MPPED2: variants seen among roughly 807,000 people sequenced by gnomAD.
MPPED2 encodes the protein metallophosphoesterase domain containing 2.
Under a neutral mutation model 33.0 loss-of-function variants are expected in MPPED2, and 5 were observed. The observed-to-expected ratio is 0.15, with a 90% CI of 0.08 to 0.32. The LOEUF (loss-of-function observed/expected upper bound fraction) is 0.32. MPPED2 is among the 10% of genes least tolerant of loss of function. The pLI is 1.00. For missense variants in MPPED2, 275 were observed against 372.1 expected (o/e 0.74, Z 2.15); for synonymous variants, 136 against 141.9 (o/e 0.96, Z 0.29).
At chr11:30,531,229 C>A (rs1328854215) in intron 3 of MPPED2, among the ~76,000 whole-genome samples, 1 of 152,208 alleles carries the variant, frequency 6.6e-6, no homozygotes, top group Admixed American at 6.5e-5. Context: ...TATACTCTGG[C>A]AATAAATCTT....
At chr11:30,471,460 C>A (rs1950941050) in intron 4 of MPPED2, among the ~76,000 whole-genome samples, 4 of 152,236 alleles carry the variant, frequency 2.6e-5, no homozygotes, top group African/African-American at 4.8e-5. Flanking sequence ...TAACTTGCTT[C>A]TACTCATTGG....
intron 4 of MPPED2, among the ~76,000 whole-genome samples, chr11:30,465,985 T>C (rs972403107): frequency 1.3e-5 from 2 of 152,194 alleles, no homozygotes; most frequent in African/African-American, 4.8e-5. Context: ...CTTCCCCAAA[T>C]ATTAAAATAC....
At chr11:30,419,510 T>A (rs1327673260) in intron 4 of MPPED2, among the ~76,000 whole-genome samples, 3 of 152,180 alleles carry the variant, frequency 2.0e-5, no homozygotes, top group Non-Finnish European at 2.9e-5. Context: ...AGTGGATACC[T>A]GTTGCTTTTG....
intron 1 of MPPED2, among the ~76,000 whole-genome samples, chr11:30,585,781 C>T (rs1590960513): frequency 2.0e-5 from 3 of 152,226 alleles, no homozygotes; most frequent in South Asian, 2.1e-4. Context: ...AAAGAATTTG[C>T]TTTCGCTCAG....
chr11:30,569,541 G>C (rs753466219), intron 2 of MPPED2, among the ~76,000 whole-genome samples: 1 of 152,172 alleles, frequency 6.6e-6, no homozygotes, highest in Non-Finnish European at 1.5e-5. Flanking sequence ...AAGTTAACCT[G>C]TAAAAGTCAG....
At chr11:30,492,069 C>T (rs1320249689) in intron 4 of MPPED2, among the ~76,000 whole-genome samples, 3 of 152,198 alleles carry the variant, frequency 2.0e-5, no homozygotes, top group Non-Finnish European at 2.9e-5. Context: ...ATTTTCTTGA[C>T]TTTGCTACCT....
At chr11:30,538,960 A>T (rs1196193602) in intron 2 of MPPED2, among the ~76,000 whole-genome samples, 5 of 152,154 alleles carry the variant, frequency 3.3e-5, no homozygotes, top group Non-Finnish European at 7.4e-5. Flanking sequence ...TGCCAAAGCC[A>T]CTCTGTGAGA....
intron 5 of MPPED2, among the ~76,000 whole-genome samples, chr11:30,415,615 G>T (rs1948314471): frequency 6.6e-6 from 1 of 152,134 alleles, no homozygotes; most frequent in African/African-American, 2.4e-5. Context: ...GGAAGACTTT[G>T]CCTGACCTTT....
chr11:30,571,019 T>A (rs1254485061), intron 2 of MPPED2, among the ~76,000 whole-genome samples: 2 of 152,182 alleles, frequency 1.3e-5, no homozygotes, highest in Non-Finnish European at 2.9e-5. Flanking sequence ...GTCCTGCAGT[T>A]TTTTAAGGAA....
intron 3 of MPPED2, among the ~76,000 whole-genome samples, chr11:30,505,118 G>A (rs1015539431): frequency 6.6e-6 from 1 of 152,136 alleles, no homozygotes; most frequent in African/African-American, 2.4e-5. Context: ...CTGATGGCAG[G>A]TAACAACTGA....
chr11:30,420,534 G>A (rs974861172), intron 4 of MPPED2, among the ~76,000 whole-genome samples: 3 of 152,198 alleles, frequency 2.0e-5, no homozygotes, highest in Non-Finnish European at 4.4e-5. Flanking sequence ...TACCTACAAC[G>A]TCTGAGCTGC....
chr11:30,442,800 G>A (rs1047256645), intron 4 of MPPED2, among the ~76,000 whole-genome samples: 25 of 152,138 alleles, frequency 1.6e-4, no homozygotes, highest in East Asian at 5.8e-4. Flanking sequence ...GCTTGAGCTC[G>A]GGAGTTGGAG....
chr11:30,495,203 A>T, intron 4 of MPPED2, 93 bp downstream of exon 4: 1 of 863,508 alleles, frequency 1.2e-6, no homozygotes. Flanking sequence ...CTTTCATCCT[A>T]ATCATTTTCA....
intron 2 of MPPED2, among the ~76,000 whole-genome samples, chr11:30,569,873 T>C (rs1457859123): frequency 1.3e-5 from 2 of 152,144 alleles, no homozygotes; most frequent in African/African-American, 4.8e-5. Flanking sequence ...CCCTGTTGAC[T>C]GAAGTCTAGG....
At chr11:30,561,709 C>T (rs1956247450) in intron 2 of MPPED2, among the ~76,000 whole-genome samples, 1 of 152,106 alleles carries the variant, frequency 6.6e-6, no homozygotes, top group Non-Finnish European at 1.5e-5. Context: ...CACCTGCCAC[C>T]CCACATTTTC....
At chr11:30,540,757 G>C (rs1955060456) in intron 2 of MPPED2, among the ~76,000 whole-genome samples, 1 of 152,034 alleles carries the variant, frequency 6.6e-6, no homozygotes, top group Non-Finnish European at 1.5e-5. Flanking sequence ...CTTAATCCTA[G>C]TTCTGCACTC....
At chr11:30,515,482 G>C (rs1953476756) in intron 3 of MPPED2, among the ~76,000 whole-genome samples, 1 of 152,150 alleles carries the variant, frequency 6.6e-6, no homozygotes, top group South Asian at 2.1e-4. Flanking sequence ...TTAGGAGATA[G>C]AAACTAGGGG....
chr11:30,537,545 G>A (rs1202668584), intron 2 of MPPED2, among the ~76,000 whole-genome samples: 1 of 152,100 alleles, frequency 6.6e-6, no homozygotes, highest in Non-Finnish European at 1.5e-5. Flanking sequence ...CAATTTCAGT[G>A]AGGGAAATAG....
chr11:30,471,418 C>A (rs1448779597), intron 4 of MPPED2, among the ~76,000 whole-genome samples: 1 of 152,204 alleles, frequency 6.6e-6, no homozygotes, highest in Non-Finnish European at 1.5e-5. Flanking sequence ...GCCCTTATGA[C>A]CTTCTCATCT....
Sources: allele counts gnomAD v4.1 joint callset (sites outside exome capture counted in the v4.1 genomes callset), GRCh38; gene constraint gnomAD v4.1.1; transcripts MANE v1.5; gene names NCBI Gene and HGNC (gene_info 2026-07-23, HGNC 2026-07-21).